PDE4D: variants seen among roughly 807,000 people sequenced by gnomAD.
The protein encoded by PDE4D is phosphodiesterase 4D.
PDE4D carries 24 observed loss-of-function variants against 87.4 expected under a neutral mutation model. That is an observed-to-expected ratio of 0.27 (90% CI 0.20 to 0.39). The LOEUF (loss-of-function observed/expected upper bound fraction) is 0.39, where lower values mean the gene tolerates loss of function less well. PDE4D is among the 10% of genes least tolerant of loss of function. PDE4D has a pLI of 1.00. For missense variants in PDE4D, 714 were observed against 1,041.0 expected (o/e 0.69, Z 4.32); for synonymous variants, 384 against 383.2 (o/e 1.00, Z -0.02).
At chr5:60,110,625 A>G (rs1471955575) in intron 2 of PDE4D, among the ~76,000 whole-genome samples, 1 of 152,142 alleles carries the variant, frequency 6.6e-6, no homozygotes, top group Admixed American at 6.6e-5. Flanking sequence ...TAGAACTAAC[A>G]TATGATGTAG....
At chr5:60,402,598 G>A (rs950763856) in intron 1 of PDE4D, among the ~76,000 whole-genome samples, 1 of 152,170 alleles carries the variant, frequency 6.6e-6, no homozygotes, top group Non-Finnish European at 1.5e-5. Context: ...GGACAGTCAC[G>A]CTTCAGAATG....
chr5:60,250,075 A>G (rs575633501), intron 1 of PDE4D, among the ~76,000 whole-genome samples: 1 of 152,098 alleles, frequency 6.6e-6, no homozygotes, highest in South Asian at 2.1e-4. Context: ...AGTAATAGAA[A>G]ATGTATATTT....
At chr5:59,730,225 TGAG>T in intron 1 of PDE4D, among the ~76,000 whole-genome samples, 1 of 152,020 alleles carries the variant, frequency 6.6e-6, no homozygotes. Flanking sequence ...CCTTTATCAC[TGAG>T]AAGAGAAACC....
intron 5 of PDE4D, among the ~76,000 whole-genome samples, chr5:59,064,024 T>A (rs1434075859): frequency 6.6e-6 from 1 of 151,838 alleles, no homozygotes; most frequent in African/African-American, 2.4e-5. Flanking sequence ...AATTCAAGAG[T>A]TTGACTGTTG....
intron 1 of PDE4D, among the ~76,000 whole-genome samples, chr5:59,728,470 T>C (rs919158691): frequency 4.6e-5 from 7 of 152,050 alleles, no homozygotes; most frequent in African/African-American, 7.2e-5. Context: ...TTTCAAGTTA[T>C]TCAAATGCTC....
At chr5:59,125,163 T>G in intron 5 of PDE4D, 24 of 367,316 alleles carry the variant, frequency 6.5e-5, no homozygotes, top group South Asian at 2.2e-4. Context: ...TAGAAGAGAT[T>G]GAGCTATTTT....
intron 2 of PDE4D, among the ~76,000 whole-genome samples, chr5:60,172,108 A>ATATAT (rs1055572217): frequency 6.8e-6 from 1 of 147,296 alleles, no homozygotes. Flanking sequence ...GTGAATATAT[A>ATATAT]TATATTATAT....
At chr5:59,366,870 C>A (rs1233238105) in intron 1 of PDE4D, among the ~76,000 whole-genome samples, 1 of 152,148 alleles carries the variant, frequency 6.6e-6, no homozygotes, top group East Asian at 1.9e-4. Context: ...ATTTGAAATG[C>A]AGGTCAAGGT....
chr5:60,045,287 G>A (rs1769076267), intron 2 of PDE4D, among the ~76,000 whole-genome samples: 1 of 151,848 alleles, frequency 6.6e-6, no homozygotes, highest in South Asian at 2.1e-4. Context: ...AGTAGGTTGT[G>A]AAAATTTTCT....
At chr5:59,326,046 T>C (rs996259461) in intron 1 of PDE4D, among the ~76,000 whole-genome samples, 36 of 152,088 alleles carry the variant, frequency 2.4e-4, no homozygotes, top group African/African-American at 8.7e-4. Flanking sequence ...ATGTTCTCAC[T>C]CATAGGTGGG....
At chr5:59,126,135 A>G (rs1444441841) in intron 5 of PDE4D, among the ~76,000 whole-genome samples, 3 of 151,126 alleles carry the variant, frequency 2.0e-5, no homozygotes, top group Non-Finnish European at 4.4e-5. Flanking sequence ...GAGAGAAAGC[A>G]AGGAAGAAAG....
chr5:59,620,975 A>G (rs1326615156), intron 1 of PDE4D, among the ~76,000 whole-genome samples: 1 of 152,128 alleles, frequency 6.6e-6, no homozygotes, highest in African/African-American at 2.4e-5. Context: ...CTTTCTTATG[A>G]TAACCTAGAG....
intron 1 of PDE4D, among the ~76,000 whole-genome samples, chr5:60,325,026 G>C (rs1004022199): frequency 2.6e-5 from 4 of 152,146 alleles, no homozygotes; most frequent in African/African-American, 9.7e-5. Flanking sequence ...AGGCTCCCCA[G>C]GCTATAAGTT....
chr5:59,446,213 TTTA>T (rs1798318743), intron 1 of PDE4D, among the ~76,000 whole-genome samples: 1 of 152,182 alleles, frequency 6.6e-6, no homozygotes, highest in Admixed American at 6.5e-5. Flanking sequence ...GATCATTTTA[TTTA>T]TATTCATTAT....
chr5:58,990,767 T>C (rs774814202), intron 9 of PDE4D, 37 bp downstream of exon 9: 2 of 1,112,200 alleles, frequency 1.8e-6, no homozygotes, highest in Non-Finnish European at 2.7e-6. Context: ...ATTAAGTTCC[T>C]AAATAAAATA....
intron 1 of PDE4D, among the ~76,000 whole-genome samples, chr5:59,721,235 T>C (rs976509755): frequency 1.3e-5 from 2 of 152,228 alleles, no homozygotes; most frequent in Non-Finnish European, 2.9e-5. Flanking sequence ...GTTTGAATTA[T>C]ACTTTTACTT....
Position 59,814,682 on chromosome 5 carries a change from G to A in PDE4D, c.455+78486C>T, listed in dbSNP as rs145319762. ...ACAACAAATAAAATCCAGACCTCTC[G>A]CCACAAAAGGGGGTTTGGCTTCAGG... On this transcript the variant is annotated intron_variant, in intron 1 of 14. Transcript: ENST00000340635. Among the ~76,000 whole-genome samples, 509 of 152,248 alleles carry A rather than the reference G, an allele frequency of 3.3e-3. 11 individuals carry two copies. The highest frequency in any genetic ancestry group is 0.03 in the Admixed American group (463 of 15,296).
At chr5:60,220,038 A>T (rs1458135899) in intron 1 of PDE4D, among the ~76,000 whole-genome samples, 1 of 152,186 alleles carries the variant, frequency 6.6e-6, no homozygotes, top group Non-Finnish European at 1.5e-5. Flanking sequence ...AATTATCTTG[A>T]TTAGGAAAGA....
intron 6 of PDE4D, among the ~76,000 whole-genome samples, chr5:59,009,836 C>T (rs1018316474): frequency 1.3e-5 from 2 of 152,070 alleles, no homozygotes; most frequent in Admixed American, 6.6e-5. Flanking sequence ...ATTTCAATTC[C>T]AGATTTGCTT....
Sources: gnomAD v4.1 joint callset for allele counts (sites outside exome capture counted in the v4.1 genomes callset) on GRCh38, gnomAD v4.1.1 for gene constraint, MANE v1.5 for transcripts, NCBI Gene and HGNC (gene_info 2026-07-23, HGNC 2026-07-21) for gene names.